PRDM16: variants seen among roughly 807,000 people sequenced by gnomAD.
PRDM16 encodes the protein PR/SET domain 16.
In PRDM16, 23 loss-of-function variants were observed where a neutral mutation model predicts 110.6. The observed-to-expected ratio is 0.21, with a 90% CI of 0.15 to 0.29. PRDM16 has a LOEUF of 0.29. Ranked by LOEUF, PRDM16 falls within the 10% of genes least tolerant of loss-of-function variation. PRDM16 has a pLI of 1.00. For synonymous variants in PRDM16, 799 were observed against 781.8 expected, an observed-to-expected ratio of 1.02 and a Z score of -0.37; for missense variants, 1,615 against 1,794.3, an observed-to-expected ratio of 0.90 and a Z score of 1.81.
rs145743555 is a variant in PRDM16 at position 3,071,337 on chromosome 1, C to G, written c.37+2041C>G. ...ACCAGAAGTGGTGCCTGGCAGCCATCTGGCCAGGAGGCCGGAGAGCCGGGC... is the reference window on the plus strand; with the variant it reads ...ACCAGAAGTGGTGCCTGGCAGCCATGTGGCCAGGAGGCCGGAGAGCCGGGC... On this transcript the variant is annotated intron_variant, in intron 1 of 16. Transcript: ENST00000270722. 3.8e-3 allele frequency among the ~76,000 whole-genome samples: 572 copies of G among 152,386 alleles called. 4 individuals are homozygous for G. Among genetic ancestry groups the G allele is most frequent in the African/African-American group, 0.013 (527 of 41,594 alleles).
rs555750583 is a variant in PRDM16, at chr1:3,424,254, G to A, written c.2940-1327G>A. On this transcript the variant is annotated intron_variant, in intron 12 of 16. Transcript: ENST00000270722. ...TTTCTTGCTGCTCAATGCACATGTCGCTCAGGCCCCCTAGTTCTCAGCCCC... is the reference window on the plus strand; with the variant it reads ...TTTCTTGCTGCTCAATGCACATGTCACTCAGGCCCCCTAGTTCTCAGCCCC... Among the ~76,000 whole-genome samples, 3 of 152,286 alleles carry A rather than the reference G, an allele frequency of 2.0e-5. No individual in the cohort carries two copies. In the East Asian group the frequency reaches 5.8e-4, roughly 29 times the overall value.
At chr1:3,235,367 T>C (rs1194934437) in intron 2 of PRDM16, among the ~76,000 whole-genome samples, 4 of 152,186 alleles carry the variant, frequency 2.6e-5, no homozygotes, top group Admixed American at 2.6e-4. Flanking sequence ...TCATGAGCCA[T>C]TGATCGCGAG....
In PRDM16 at chr1:3,432,148, C is replaced by T. The variant is rs1360787564; in HGVS notation, c.3696+8C>T. 3 of 1,609,788 alleles carry T rather than the reference C, an allele frequency of 1.9e-6. No homozygotes were observed. In the Admixed American group the frequency reaches 5.0e-5, roughly 27 times the overall value. ...AGGCAGGCTAAGAACCAGGTAGGTA[C>T]CCGCCAGAGCCCCTCCCCCACCCCA... On this transcript the variant is annotated splice_region_variant and intron_variant, in intron 16 of 16. Transcript: ENST00000270722.
chr1:3,272,611 C>T (rs930781694), intron 3 of PRDM16, among the ~76,000 whole-genome samples: 3 of 152,226 alleles, frequency 2.0e-5, no homozygotes, highest in East Asian at 1.9e-4. Context: ...CCCCAGCTCC[C>T]GTGTGCAGGT....
At chr1:3,132,211 G>A (rs1415042108) in intron 1 of PRDM16, among the ~76,000 whole-genome samples, 1 of 152,212 alleles carries the variant, frequency 6.6e-6, no homozygotes, top group African/African-American at 2.4e-5. Context: ...TTACACGGCG[G>A]TGCCACGGAG....
chr1:3,293,733 C>T (rs1206192308), intron 3 of PRDM16, among the ~76,000 whole-genome samples: 4 of 152,182 alleles, frequency 2.6e-5, no homozygotes, highest in Non-Finnish European at 5.9e-5. Context: ...GAGTCCAGCA[C>T]GGCTGTTTGT....
At chr1:3,409,101 G>T (rs927438306) in intron 8 of PRDM16, among the ~76,000 whole-genome samples, 1 of 151,652 alleles carries the variant, frequency 6.6e-6, no homozygotes, top group African/African-American at 2.4e-5. Flanking sequence ...GTGTCTGTGA[G>T]TGCGAGTGTG....
rs77316091 is a variant in PRDM16, at chr1:3,404,378, T to C, written c.885-361T>C. Among the ~76,000 whole-genome samples the C allele has an allele frequency of 8.7e-3, 1,326 of 152,350 alleles. 19 individuals are homozygous for C. The highest frequency in any genetic ancestry group is 0.03 in the African/African-American group (1,267 of 41,578). On this transcript the variant is annotated intron_variant, in intron 6 of 16. Transcript: ENST00000270722. ...CCCACTCCTGGGTTCATGCCAGTGT[T>C]GAACCCCTTTTTTCTTAGGCCCAAG...
At chr1:3,127,135 G>A (rs1307748503) in intron 1 of PRDM16, among the ~76,000 whole-genome samples, 2 of 152,230 alleles carry the variant, frequency 1.3e-5, no homozygotes, top group Non-Finnish European at 2.9e-5. Context: ...GGCCCAGACG[G>A]TCTCTTGTTT....
At chr1:3,345,932 A>G (rs528475963) in intron 3 of PRDM16, among the ~76,000 whole-genome samples, 4 of 152,320 alleles carry the variant, frequency 2.6e-5, no homozygotes, top group African/African-American at 7.2e-5. Flanking sequence ...GGAGCCAACA[A>G]GAGCCCCAAA....
intron 2 of PRDM16, among the ~76,000 whole-genome samples, chr1:3,214,809 A>G (rs1366222518): frequency 6.6e-6 from 1 of 152,150 alleles, no homozygotes; most frequent in Non-Finnish European, 1.5e-5. Context: ...ATACCAACAC[A>G]TGGGGAGATG....
intron 9 of PRDM16, among the ~76,000 whole-genome samples, chr1:3,413,421 T>C (rs944811477): frequency 2.0e-5 from 3 of 152,126 alleles, no homozygotes; most frequent in Admixed American, 6.5e-5. Flanking sequence ...CCTGTGTCTC[T>C]GATGCCTCTC....
At chr1:3,140,785 G>T (rs898432401) in intron 1 of PRDM16, among the ~76,000 whole-genome samples, 1 of 152,214 alleles carries the variant, frequency 6.6e-6, no homozygotes, top group African/African-American at 2.4e-5. Context: ...GCCCATGAGG[G>T]GTCCCGCCTC....
In PRDM16 at chr1:3,353,683, G is replaced by C. The variant is rs1378824436; in HGVS notation, c.439-31469G>C. Among the ~76,000 whole-genome samples the C allele has an allele frequency of 6.6e-6, 1 of 152,236 alleles. No individual in the cohort carries two copies. The highest frequency in any genetic ancestry group is 1.5e-5 in the Non-Finnish European group (1 of 68,034). The stretch of plus-strand genomic sequence containing the variant: ...CCCACAGGCTTTGCAGAGAGAACAG[G>C]ACAATCCTAGCTCAGGCTGGTGGAG... On this transcript the variant is annotated intron_variant, in intron 3 of 16. Transcript: ENST00000270722. The surrounding 1 kb of genome is among the most constrained non-coding windows in gnomAD (Gnocchi z 5.4).
At chr1:3,295,781 C>T (rs756044823) in intron 3 of PRDM16, among the ~76,000 whole-genome samples, 7 of 152,150 alleles carry the variant, frequency 4.6e-5, no homozygotes, top group Non-Finnish European at 7.3e-5. Context: ...AGGCTGAAGA[C>T]ACCACGCGTG....
intron 1 of PRDM16, among the ~76,000 whole-genome samples, chr1:3,176,816 C>A (rs572714433): frequency 6.6e-6 from 1 of 151,724 alleles, no homozygotes; most frequent in East Asian, 1.9e-4. Flanking sequence ...CTTGATTCAC[C>A]CACCCATCCA....
At chr1:3,111,258 C>T (rs1557453150) in intron 1 of PRDM16, among the ~76,000 whole-genome samples, 1 of 152,002 alleles carries the variant, frequency 6.6e-6, no homozygotes. Flanking sequence ...GGGAAAGAGG[C>T]TTGTCCTCGG....
At chr1:3,285,513 C>T (rs540453363) in intron 3 of PRDM16, among the ~76,000 whole-genome samples, 2 of 152,320 alleles carry the variant, frequency 1.3e-5, no homozygotes, top group Admixed American at 6.5e-5. Context: ...TTCCTGGGAG[C>T]AGGCATGCTC....
At chr1:3,184,855 T>C (rs1417083555) in intron 1 of PRDM16, among the ~76,000 whole-genome samples, 1 of 152,148 alleles carries the variant, frequency 6.6e-6, no homozygotes, top group East Asian at 1.9e-4. Context: ...CGGGGGCTGG[T>C]CCAGGCTGCG....
Sources: allele counts gnomAD v4.1 joint callset (sites outside exome capture counted in the v4.1 genomes callset), GRCh38; gene constraint gnomAD v4.1.1; non-coding constraint Gnocchi (gnomAD v3.1); transcripts MANE v1.5; gene names NCBI Gene and HGNC (gene_info 2026-07-23, HGNC 2026-07-21).